The following FSTL4 variants were observed in gnomAD, a reference collection of about 807,000 sequenced individuals.
FSTL4 encodes follistatin-related protein 4.
A neutral mutation model predicts 78.2 loss-of-function variants in FSTL4; 28 were observed. That is an observed-to-expected ratio of 0.36 (90% confidence interval 0.27 to 0.49). The LOEUF is 0.49. Among genes scored for constraint, FSTL4 ranks in the 20% least tolerant of loss-of-function variants. FSTL4 has a pLI of 0.98. For synonymous variants in FSTL4, 422 were observed against 440.5 expected (o/e 0.96, Z 0.53); for missense variants, 922 against 1,084.9 (o/e 0.85, Z 2.11).
rs61153278 is a variant in FSTL4 at position 133,290,664 on chromosome 5, G to A, written c.727+21990C>T. Reference sequence around the variant, plus strand: ...ATGAGGTAAAGCAGGAACCACAGCAGAGGGTGGCATGTGGCCTCCAACACA... The same window carrying A: ...ATGAGGTAAAGCAGGAACCACAGCAAAGGGTGGCATGTGGCCTCCAACACA... On this transcript the variant is annotated intron_variant, in intron 6 of 15. Transcript: ENST00000265342. Among the ~76,000 whole-genome samples, 139 of 152,352 alleles carry A rather than the reference G, an allele frequency of 9.1e-4. 3 individuals are homozygous for A. The East Asian group carries it at 0.023, about 25-fold the overall frequency.
chr5:133,605,032 C>A (rs931043395), intron 1 of FSTL4, among the ~76,000 whole-genome samples: 3 of 152,218 alleles, frequency 2.0e-5, no homozygotes, highest in African/African-American at 7.2e-5. Flanking sequence ...AAGTCCAAAT[C>A]ATGTGCTAAG....
At chr5:133,761,743 G>A in the FSTL4 span, among the ~76,000 whole-genome samples, 2 of 152,120 alleles carry the variant, frequency 1.3e-5, no homozygotes, top group Non-Finnish European at 2.9e-5. Context: ...GTGCTTGACA[G>A]CTATTTACTG....
At chr5:133,772,665 C>T in the FSTL4 span, among the ~76,000 whole-genome samples, 25 of 152,170 alleles carry the variant, frequency 1.6e-4, no homozygotes, top group Admixed American at 9.8e-4. Flanking sequence ...CACATGTGCA[C>T]GAGAGAGCCA....
the FSTL4 span, among the ~76,000 whole-genome samples, chr5:133,781,771 G>A: frequency 6.6e-6 from 1 of 152,204 alleles, no homozygotes; most frequent in South Asian, 2.1e-4. Flanking sequence ...AACAATTACG[G>A]CAATTCCTAA....
At chr5:133,427,002 C>A (rs1001737736) in intron 3 of FSTL4, among the ~76,000 whole-genome samples, 1 of 152,144 alleles carries the variant, frequency 6.6e-6, no homozygotes, top group Non-Finnish European at 1.5e-5. Context: ...CCTTGAAATA[C>A]CCCAACATTC....
intron 3 of FSTL4, among the ~76,000 whole-genome samples, chr5:133,555,841 A>T (rs1759775466): frequency 6.6e-6 from 1 of 152,256 alleles, no homozygotes; most frequent in African/African-American, 2.4e-5. Context: ...CAAATGAAGC[A>T]GCCAAGCAGC....
chr5:133,678,987 C>A, the FSTL4 span, among the ~76,000 whole-genome samples: 1 of 152,098 alleles, frequency 6.6e-6, no homozygotes, highest in African/African-American at 2.4e-5. Flanking sequence ...CATTTCACAG[C>A]AAAAGAGGTA....
rs570670409 is a variant in FSTL4 at position 133,512,743 on chromosome 5, T to C, written c.160+54443A>G. On this transcript the variant is annotated intron_variant, in intron 3 of 15. Coordinates refer to ENST00000265342, the MANE Select transcript of FSTL4 (RefSeq NM_015082.2). ...GAAGAGCAATGGCTTATGCATATGA[T>C]GCTGCAGTAGCCTTAGTTGCCAACA... Among the ~76,000 whole-genome samples, 3 of 152,278 alleles carry C rather than the reference T, an allele frequency of 2.0e-5. No individual in the cohort carries two copies. In the South Asian group the frequency reaches 6.2e-4, roughly 32 times the overall value.
chr5:133,713,240 C>A, the FSTL4 span, among the ~76,000 whole-genome samples: 1 of 152,132 alleles, frequency 6.6e-6, no homozygotes. Context: ...ATAATTGCAA[C>A]TCTGCTAATT....
intron 3 of FSTL4, among the ~76,000 whole-genome samples, chr5:133,487,905 C>A (rs191182310): frequency 1.4e-4 from 22 of 152,350 alleles, no homozygotes; most frequent in African/African-American, 5.3e-4. Context: ...TTGGGCAAAT[C>A]TCCCCACTGG....
At chr5:133,668,244 C>A in the FSTL4 span, among the ~76,000 whole-genome samples, 2 of 152,120 alleles carry the variant, frequency 1.3e-5, no homozygotes, top group Non-Finnish European at 2.9e-5. Flanking sequence ...ACTAAGAAAC[C>A]CTCAGGAAGA....
intron 6 of FSTL4, among the ~76,000 whole-genome samples, chr5:133,258,268 G>A (rs545813461): frequency 6.6e-6 from 1 of 152,208 alleles, no homozygotes; most frequent in Non-Finnish European, 1.5e-5. Context: ...TGGGCCACAA[G>A]GCACCCAGAT....
the FSTL4 span, among the ~76,000 whole-genome samples, chr5:133,705,311 G>A: frequency 2.6e-5 from 4 of 152,156 alleles, no homozygotes; most frequent in East Asian, 1.9e-4. Context: ...CACCTGCCTC[G>A]GCCTCCCAAA....
At chr5:133,242,110 T>C (rs1751892558) in intron 7 of FSTL4, among the ~76,000 whole-genome samples, 1 of 152,182 alleles carries the variant, frequency 6.6e-6, no homozygotes, top group Admixed American at 6.5e-5. Flanking sequence ...ACACGTCAAC[T>C]TACACACATG....
the FSTL4 span, among the ~76,000 whole-genome samples, chr5:133,667,697 G>A: frequency 3.3e-5 from 5 of 152,024 alleles, no homozygotes; most frequent in African/African-American, 1.2e-4. Context: ...ACTTACAGTG[G>A]CAACATCCTC....
chr5:133,209,021 T>C (rs548595909), intron 14 of FSTL4, among the ~76,000 whole-genome samples: 2 of 152,346 alleles, frequency 1.3e-5, no homozygotes, highest in East Asian at 3.9e-4. Context: ...TTTGTTCTTT[T>C]TCTAGTGGCC....
chr5:133,569,055 T>C (rs527358851), intron 2 of FSTL4, among the ~76,000 whole-genome samples: 1 of 152,314 alleles, frequency 6.6e-6, no homozygotes, highest in Admixed American at 6.5e-5. Context: ...TTATTATTTC[T>C]TCCAGCTGAT....
At chr5:133,228,042 C>T (rs781211326) in intron 8 of FSTL4, among the ~76,000 whole-genome samples, 5 of 152,088 alleles carry the variant, frequency 3.3e-5, no homozygotes, top group Admixed American at 6.5e-5. Context: ...GCCTGGGCAA[C>T]ATGGCAAAAC....
At chr5:133,293,130 C>G (rs980369325) in intron 6 of FSTL4, among the ~76,000 whole-genome samples, 2 of 152,240 alleles carry the variant, frequency 1.3e-5, no homozygotes, top group African/African-American at 4.8e-5. Context: ...CCTTCCGGCA[C>G]CCCCAGAGCT....
Sources: allele counts gnomAD v4.1 joint callset (sites outside exome capture counted in the v4.1 genomes callset), GRCh38; gene constraint gnomAD v4.1.1; transcripts MANE v1.5; gene names NCBI Gene and HGNC (gene_info 2026-07-23, HGNC 2026-07-21).